ZC3H12B: variants seen among roughly 807,000 people sequenced by gnomAD.
ZC3H12B encodes probable ribonuclease ZC3H12B.
Under a neutral mutation model 43.9 loss-of-function variants are expected in ZC3H12B, and 7 were observed. The observed-to-expected ratio is 0.16, with a 90% confidence interval of 0.09 to 0.30. ZC3H12B has a LOEUF of 0.30. ZC3H12B is among the 10% of genes least tolerant of loss of function. The probability of loss-of-function intolerance (pLI) is 1.00; values close to 1 mark genes in which losing one functional copy is unlikely to be tolerated. For missense variants in ZC3H12B, 475 were observed against 670.2 expected (o/e 0.71, Z 3.22); for synonymous variants, 222 against 241.7 (o/e 0.92, Z 0.76).
intron 3 of ZC3H12B, among the ~76,000 whole-genome samples, chrX:65,451,106 C>T (rs2067502500): frequency 1.8e-5 from 2 of 108,729 alleles, no homozygotes; most frequent in African/African-American, 6.7e-5. Flanking sequence ...TGCCACCATG[C>T]CTGGCTAATT....
chrX:65,212,604 TTACA>T, the ZC3H12B span, among the ~76,000 whole-genome samples: 2 of 82,724 alleles, frequency 2.4e-5, no homozygotes, highest in African/African-American at 9.3e-5. Flanking sequence ...TAATATATAA[TTACA>T]TATATGATAT....
At chrX:65,320,224 C>CA in the ZC3H12B span, among the ~76,000 whole-genome samples, 1 of 111,661 alleles carries the variant, frequency 9.0e-6, no homozygotes, top group East Asian at 2.8e-4. Context: ...GATCAGTGTA[C>CA]AAAAATTACT....
the ZC3H12B span, among the ~76,000 whole-genome samples, chrX:65,216,683 T>C: frequency 9.0e-6 from 1 of 111,513 alleles, no homozygotes; most frequent in Non-Finnish European, 1.9e-5. Context: ...GGCAGTGCAG[T>C]GCAGGGAGAG....
At chrX:65,251,875 C>G in the ZC3H12B span, among the ~76,000 whole-genome samples, 2 of 111,537 alleles carry the variant, frequency 1.8e-5, no homozygotes, top group Non-Finnish European at 3.8e-5. Flanking sequence ...ATCATGTCAT[C>G]TGCAAACAGG....
At chrX:65,180,596 C>A in the ZC3H12B span, among the ~76,000 whole-genome samples, 1 of 111,403 alleles carries the variant, frequency 9.0e-6, no homozygotes, top group Non-Finnish European at 1.9e-5. Flanking sequence ...GTGCAAAAAT[C>A]ACAAGCATTT....
the ZC3H12B span, among the ~76,000 whole-genome samples, chrX:65,337,054 T>A: frequency 8.0e-5 from 9 of 112,111 alleles, no homozygotes; most frequent in African/African-American, 2.9e-4. Context: ...GAACCCAAGT[T>A]CGGTCAAGCA....
intron 3 of ZC3H12B, among the ~76,000 whole-genome samples, chrX:65,420,499 A>G (rs2067006026): frequency 8.9e-6 from 1 of 112,161 alleles, no homozygotes; most frequent in African/African-American, 3.2e-5. Flanking sequence ...TAAAGACTGG[A>G]ATAGTCATCT....
upstream of ZC3H12B, among the ~76,000 whole-genome samples, chrX:65,485,043 G>T (rs759699608): frequency 1.8e-5 from 2 of 111,826 alleles, no homozygotes; most frequent in South Asian, 7.6e-4. Flanking sequence ...ATGCAAGTTT[G>T]CAATCATTTG....
At chrX:65,225,376 C>T in the ZC3H12B span, among the ~76,000 whole-genome samples, 2 of 112,056 alleles carry the variant, frequency 1.8e-5, no homozygotes, top group African/African-American at 6.5e-5. Flanking sequence ...ACCATGTGTA[C>T]ATCACCATCA....
chrX:65,300,917 CTT>C, the ZC3H12B span, among the ~76,000 whole-genome samples: 5 of 109,848 alleles, frequency 4.6e-5, no homozygotes, highest in African/African-American at 1.7e-4. Flanking sequence ...GAGAGAAAAA[CTT>C]TGCGAACCAT....
At chrX:65,249,079 G>A in the ZC3H12B span, among the ~76,000 whole-genome samples, 3 of 111,457 alleles carry the variant, frequency 2.7e-5, no homozygotes, top group Non-Finnish European at 5.7e-5. Context: ...AAGCTCTTTA[G>A]ATTAATTAAG....
the ZC3H12B span, chrX:65,272,271 A>T: frequency 4.4e-5 from 3 of 68,190 alleles, no homozygotes; most frequent in Admixed American, 3.9e-4. Flanking sequence ...TAAATTTAGT[A>T]AAAAAAAAAA....
chrX:65,437,118 A>G (rs1036489068), intron 3 of ZC3H12B, among the ~76,000 whole-genome samples: 2 of 109,499 alleles, frequency 1.8e-5, no homozygotes, highest in Non-Finnish European at 3.8e-5. Flanking sequence ...ACGCCCAGCT[A>G]ATTTTTGTAT....
At chrX:65,098,400 G>A in the ZC3H12B span, among the ~76,000 whole-genome samples, 2 of 111,233 alleles carry the variant, frequency 1.8e-5, no homozygotes, top group Non-Finnish European at 3.8e-5. Context: ...AGTAGTGGGA[G>A]ACTGACTGAT....
chrX:65,089,193 C>T, the ZC3H12B span, among the ~76,000 whole-genome samples: 3 of 111,058 alleles, frequency 2.7e-5, no homozygotes, highest in Non-Finnish European at 5.7e-5. Context: ...CATTATTAGG[C>T]AATTTTGTCA....
the ZC3H12B span, among the ~76,000 whole-genome samples, chrX:65,288,614 T>G: frequency 8.9e-6 from 1 of 111,975 alleles, no homozygotes; most frequent in Non-Finnish European, 1.9e-5. Flanking sequence ...AAAAGCCATA[T>G]ATGATAAATC....
At chrX:65,277,957 G>A in the ZC3H12B span, among the ~76,000 whole-genome samples, 2 of 110,570 alleles carry the variant, frequency 1.8e-5, no homozygotes, top group Non-Finnish European at 3.8e-5. Context: ...ATTGACAAAC[G>A]TTATTTATAG....
At chrX:65,386,036 A>T (rs2148019209) in intron 2 of ZC3H12B, among the ~76,000 whole-genome samples, 1 of 112,209 alleles carries the variant, frequency 8.9e-6, no homozygotes, top group South Asian at 3.7e-4. Context: ...GTGCTGCTGA[A>T]TTCGGTTTAC....
At chrX:65,172,204 T>C in the ZC3H12B span, among the ~76,000 whole-genome samples, 1 of 112,880 alleles carries the variant, frequency 8.9e-6, no homozygotes, top group African/African-American at 3.2e-5. Flanking sequence ...GATCTTTTTT[T>C]CATATGTTTA....
Sources: gnomAD v4.1 joint callset for allele counts (sites outside exome capture counted in the v4.1 genomes callset) on GRCh38, gnomAD v4.1.1 for gene constraint, MANE v1.5 for transcripts, NCBI Gene and HGNC (gene_info 2026-07-23, HGNC 2026-07-21) for gene names.